The following PHACTR1 variants were observed in gnomAD, a reference collection of about 807,000 sequenced individuals.
PHACTR1 encodes the protein phosphatase and actin regulator 1.
PHACTR1 carries 16 observed loss-of-function variants against 69.2 expected under a neutral mutation model. That is an observed-to-expected ratio of 0.23 (90% confidence interval 0.16 to 0.35). The LOEUF (loss-of-function observed/expected upper bound fraction) is 0.35, where lower values mean the gene tolerates loss of function less well. Among genes scored for constraint, PHACTR1 ranks in the 10% least tolerant of loss-of-function variants. PHACTR1 has a pLI of 1.00. For synonymous variants in PHACTR1, 312 were observed against 284.5 expected, an observed-to-expected ratio of 1.10 and a Z score of -0.97; for missense variants, 510 against 734.7, an observed-to-expected ratio of 0.69 and a Z score of 3.54.
At chr6:12,757,023 G>T (rs1022234864) in intron 4 of PHACTR1, among the ~76,000 whole-genome samples, 4 of 152,138 alleles carry the variant, frequency 2.6e-5, no homozygotes, top group African/African-American at 9.7e-5. Flanking sequence ...TTATGAGCAA[G>T]AAACGTTAGA....
intron 6 of PHACTR1, among the ~76,000 whole-genome samples, chr6:13,168,062 C>G (rs1490034843): frequency 6.6e-6 from 1 of 152,296 alleles, no homozygotes; most frequent in East Asian, 1.9e-4. Flanking sequence ...ACAGCCTTTA[C>G]CAGGCACTAT....
intron 3 of PHACTR1, among the ~76,000 whole-genome samples, chr6:12,725,316 C>T (rs878964960): frequency 6.6e-6 from 1 of 152,168 alleles, no homozygotes; most frequent in Non-Finnish European, 1.5e-5. Context: ...TGGTAGCACT[C>T]CATTAGTTCA....
intron 5 of PHACTR1, among the ~76,000 whole-genome samples, chr6:13,100,508 A>G (rs1217432364): frequency 2.6e-5 from 4 of 152,134 alleles, no homozygotes; most frequent in Non-Finnish European, 5.9e-5. Context: ...CTCTGTCTCC[A>G]TACCTGAGTA....
intron 5 of PHACTR1, among the ~76,000 whole-genome samples, chr6:13,098,468 C>A (rs1254237070): frequency 1.3e-5 from 2 of 152,174 alleles, no homozygotes; most frequent in African/African-American, 4.8e-5. Context: ...CACTTGGCTT[C>A]AACTATCATC....
chr6:12,949,433 A>T (rs939588752), intron 4 of PHACTR1, among the ~76,000 whole-genome samples: 2 of 152,000 alleles, frequency 1.3e-5, no homozygotes, highest in African/African-American at 4.8e-5. Flanking sequence ...CACAGACACC[A>T]CTCTCTTAGC....
chr6:12,877,302 G>A (rs1782623137), intron 4 of PHACTR1, among the ~76,000 whole-genome samples: 1 of 152,126 alleles, frequency 6.6e-6, no homozygotes, highest in African/African-American at 2.4e-5. Context: ...CTGTAATGTG[G>A]GTGCTTCAGG....
At position 13,195,757 on chromosome 6, in the gene PHACTR1, CAA is replaced by C. The variant is rs869092852; in HGVS notation, c.665-10036_665-10035del. 2.3e-3 allele frequency among the ~76,000 whole-genome samples: 96 copies of C among 41,498 alleles called. 1 individual carries two copies. Among genetic ancestry groups the C allele is most frequent in the South Asian group, 0.011 (17 of 1,602 alleles). 27.2% of individuals were successfully genotyped at this position (41,498 alleles called of 152,430 possible). A position where few individuals can be genotyped will look rare whatever the true frequency, so the allele number is the denominator to read the frequency against. On this transcript the variant is annotated intron_variant, in intron 7 of 14. Coordinates refer to ENST00000332995, the MANE Select transcript of PHACTR1 (RefSeq NM_030948.6). ...TGGGCGACAGAGAGAGACACCGTCT[CAA>C]AAAAAAAAAAAAAAAAAAAAAGTTC... is the stretch of plus-strand genomic sequence containing the variant.
At chr6:13,061,734 GA>G (rs1239170381) in intron 5 of PHACTR1, among the ~76,000 whole-genome samples, 5 of 151,974 alleles carry the variant, frequency 3.3e-5, no homozygotes, top group African/African-American at 9.6e-5. Flanking sequence ...TTCAATCGAG[GA>G]AAAAAAGGAA....
At chr6:13,090,076 C>T (rs896782085) in intron 5 of PHACTR1, among the ~76,000 whole-genome samples, 19 of 152,010 alleles carry the variant, frequency 1.2e-4, no homozygotes, top group African/African-American at 3.6e-4. Context: ...GTTTTTGAGA[C>T]GGAGTTTCGC....
intron 4 of PHACTR1, among the ~76,000 whole-genome samples, chr6:12,797,057 G>GA (rs1220484589): frequency 6.6e-6 from 1 of 150,972 alleles, no homozygotes. Flanking sequence ...GAGAGAGAGA[G>GA]GGATATGAAT....
In PHACTR1 at chr6:12,771,106, A is replaced by G. The variant is rs561706607; in HGVS notation, c.250+21316A>G. ...AAAGCTCATGATAACAACATGAGAA[A>G]GATGGATCAGAGCAGCCCGAAACTA... On this transcript the variant is annotated intron_variant, in intron 4 of 14. Transcript: ENST00000332995. Among the ~76,000 whole-genome samples, 107 of 152,356 alleles carry G rather than the reference A, an allele frequency of 7.0e-4. 1 individual carries two copies. The highest frequency in any genetic ancestry group is 1.4e-3 in the Non-Finnish European group (97 of 68,032).
chr6:13,106,868 G>A (rs1816234884), intron 5 of PHACTR1, among the ~76,000 whole-genome samples: 1 of 151,966 alleles, frequency 6.6e-6, no homozygotes, highest in African/African-American at 2.4e-5. Context: ...CACTAACCTT[G>A]CATGACCGTG....
At chr6:12,807,423 A>C (rs1042260865) in intron 4 of PHACTR1, among the ~76,000 whole-genome samples, 1 of 152,196 alleles carries the variant, frequency 6.6e-6, no homozygotes, top group Non-Finnish European at 1.5e-5. Flanking sequence ...AGAATTTTTC[A>C]CCAAGAGGGA....
intron 4 of PHACTR1, among the ~76,000 whole-genome samples, chr6:13,006,676 C>CAT (rs1562124321): frequency 6.6e-6 from 1 of 152,052 alleles, no homozygotes; most frequent in African/African-American, 2.4e-5. Flanking sequence ...CACACACACA[C>CAT]ACACACTTCT....
chr6:12,870,989 G>A (rs1368376683), intron 4 of PHACTR1, among the ~76,000 whole-genome samples: 1 of 152,182 alleles, frequency 6.6e-6, no homozygotes, highest in African/African-American at 2.4e-5. Flanking sequence ...GTAATCATCT[G>A]TAATCAATGA....
At chr6:12,776,226 C>T (rs1345757823) in intron 4 of PHACTR1, among the ~76,000 whole-genome samples, 1 of 152,208 alleles carries the variant, frequency 6.6e-6, no homozygotes, top group Non-Finnish European at 1.5e-5. Flanking sequence ...ATGTAGCCAA[C>T]ACTGTCTTTA....
At chr6:13,142,480 A>C (rs1822640847) in intron 5 of PHACTR1, among the ~76,000 whole-genome samples, 1 of 152,180 alleles carries the variant, frequency 6.6e-6, no homozygotes, top group Admixed American at 6.5e-5. Flanking sequence ...CCATTGCCTA[A>C]TCCAGGGTCA....
At chr6:12,915,413 A>G (rs923655910) in intron 4 of PHACTR1, among the ~76,000 whole-genome samples, 2 of 150,262 alleles carry the variant, frequency 1.3e-5, no homozygotes, top group Non-Finnish European at 3.0e-5. Flanking sequence ...AGGCTGAGGC[A>G]GGAGAATCGC....
chr6:13,017,337 G>A (rs1800343341), intron 4 of PHACTR1, among the ~76,000 whole-genome samples: 1 of 152,046 alleles, frequency 6.6e-6, no homozygotes, highest in Admixed American at 6.6e-5. Context: ...TTATATCTGT[G>A]TGTGTGTGTG....
Sources: allele counts gnomAD v4.1 joint callset (sites outside exome capture counted in the v4.1 genomes callset), GRCh38; gene constraint gnomAD v4.1.1; transcripts MANE v1.5; gene names NCBI Gene and HGNC (gene_info 2026-07-23, HGNC 2026-07-21).